The following KDM4C variants were observed in gnomAD, a reference collection of about 807,000 sequenced individuals.
KDM4C encodes lysine demethylase 4C.
In KDM4C, 81 loss-of-function variants were observed where a neutral mutation model predicts 129.3. That is an observed-to-expected ratio of 0.63 (90% confidence interval 0.52 to 0.75). The LOEUF (loss-of-function observed/expected upper bound fraction) is 0.75, where lower values mean the gene tolerates loss of function less well. KDM4C is among the 30% of genes least tolerant of loss of function. The pLI is 0.00. For missense variants in KDM4C, 1,457 were observed against 1,304.0 expected (o/e 1.12, Z -1.81); for synonymous variants, 573 against 456.1 (o/e 1.26, Z -3.26).
At chr9:7,139,610 A>G (rs1376391237) in intron 19 of KDM4C, among the ~76,000 whole-genome samples, 1 of 152,238 alleles carries the variant, frequency 6.6e-6, no homozygotes, top group Non-Finnish European at 1.5e-5. Context: ...CCAGGCTGCA[A>G]GTGGCCACAC....
chr9:6,757,123 G>T (rs570136877), upstream of KDM4C, among the ~76,000 whole-genome samples: 3 of 152,196 alleles, frequency 2.0e-5, no homozygotes, highest in Admixed American at 6.5e-5. Context: ...GGTCTGGTTG[G>T]TTCCTTCTGA....
chr9:6,856,231 A>T (rs1588718527), intron 5 of KDM4C, among the ~76,000 whole-genome samples: 1 of 152,002 alleles, frequency 6.6e-6, no homozygotes, highest in South Asian at 2.1e-4. Context: ...TTAGTGATCC[A>T]TTGAATTAGC....
At chr9:6,854,619 G>C (rs2130264896) in intron 5 of KDM4C, among the ~76,000 whole-genome samples, 1 of 151,330 alleles carries the variant, frequency 6.6e-6, no homozygotes, top group Admixed American at 6.6e-5. Context: ...TGTGTTTTAA[G>C]CTGTGAAAAG....
intron 19 of KDM4C, among the ~76,000 whole-genome samples, chr9:7,130,839 G>C (rs1448909454): frequency 2.0e-5 from 3 of 152,084 alleles, no homozygotes; most frequent in African/African-American, 7.2e-5. Context: ...GCTCACTGCA[G>C]CCTTGTGCTC....
chr9:7,010,678 C>T (rs1333031315), intron 12 of KDM4C, among the ~76,000 whole-genome samples: 5 of 152,166 alleles, frequency 3.3e-5, no homozygotes, highest in African/African-American at 9.7e-5. Flanking sequence ...ATTTTTCTAA[C>T]ATGTTTGTCT....
At chr9:6,757,316 T>C (rs1291028582), upstream of KDM4C, among the ~76,000 whole-genome samples, 1 of 152,020 alleles carries the variant, frequency 6.6e-6, no homozygotes, top group Non-Finnish European at 1.5e-5. Flanking sequence ...TGTGCCTCCC[T>C]ATCTTAAGAG....
chr9:6,917,615 A>G (rs10975897), intron 8 of KDM4C, among the ~76,000 whole-genome samples: 12,501 of 152,182 alleles, frequency 0.082, 894 homozygotes, highest in East Asian at 0.24. Flanking sequence ...TAGGACTCCA[A>G]TGAGTTGTTC....
chr9:7,061,060 T>C (rs2132687083), intron 17 of KDM4C, among the ~76,000 whole-genome samples: 1 of 152,314 alleles, frequency 6.6e-6, no homozygotes, highest in Non-Finnish European at 1.5e-5. Context: ...TGTATTTACT[T>C]TGTTTTTTAG....
At chr9:7,167,721 A>G (rs1239248889) in intron 20 of KDM4C, among the ~76,000 whole-genome samples, 3 of 152,222 alleles carry the variant, frequency 2.0e-5, no homozygotes, top group South Asian at 2.1e-4. Context: ...ATGTTCATCA[A>G]CCAGAATTGG....
chr9:6,861,917 A>G (rs1385764439), intron 5 of KDM4C, among the ~76,000 whole-genome samples: 1 of 151,806 alleles, frequency 6.6e-6, no homozygotes, highest in Non-Finnish European at 1.5e-5. Flanking sequence ...GACTACAGGC[A>G]TGTGCCACCA....
At chr9:7,014,915 AACACACACACACACAC>A (rs55864882) in intron 14 of KDM4C, among the ~76,000 whole-genome samples, 3 of 146,168 alleles carry the variant, frequency 2.1e-5, no homozygotes, top group African/African-American at 5.1e-5. Context: ...GGCAATTTGT[AACACACACACACACAC>A]ACACACACAC....
intron 18 of KDM4C, among the ~76,000 whole-genome samples, chr9:7,125,456 T>A (rs188132511): frequency 2.7e-4 from 41 of 152,326 alleles, no homozygotes. Flanking sequence ...TGTATTTGAC[T>A]CTCCAACATC....
intron 4 of KDM4C, among the ~76,000 whole-genome samples, chr9:6,830,783 G>C (rs1396450367): frequency 6.6e-6 from 1 of 152,172 alleles, no homozygotes; most frequent in Non-Finnish European, 1.5e-5. Flanking sequence ...AAGAATAAAA[G>C]GGAAACTCAG....
chr9:7,032,565 A>T (rs1402239580), intron 15 of KDM4C, among the ~76,000 whole-genome samples: 1 of 152,168 alleles, frequency 6.6e-6, no homozygotes, highest in Non-Finnish European at 1.5e-5. Context: ...CTTTATTTCC[A>T]CAGAACTTGA....
chr9:6,776,892 G>A (rs564293596), intron 1 of KDM4C, among the ~76,000 whole-genome samples: 2 of 152,270 alleles, frequency 1.3e-5, no homozygotes, highest in South Asian at 4.1e-4. Context: ...GTGAGCCCGC[G>A]TGCTGGGCCT....
chr9:7,095,201 C>T (rs913899701), intron 17 of KDM4C, among the ~76,000 whole-genome samples: 4 of 152,152 alleles, frequency 2.6e-5, no homozygotes, highest in African/African-American at 9.7e-5. Flanking sequence ...TTTACTGTTC[C>T]ACCCCGGTCC....
chr9:7,035,219 G>A lies in KDM4C; in HGVS notation c.2260-11643G>A, dbSNP rs572022158. Among the ~76,000 whole-genome samples the A allele has an allele frequency of 1.9e-4, 28 of 150,530 alleles. No individual in the cohort carries two copies. In the East Asian group the frequency reaches 4.7e-3, roughly 25 times the overall value. On this transcript the variant is annotated intron_variant, in intron 15 of 21. Transcript: ENST00000381309. ...AGTAGAGATGAGGTTTTGCCATGTT[G>A]CCCAGGCTGGTCTTGAACTCTTGGG...
intron 19 of KDM4C, among the ~76,000 whole-genome samples, chr9:7,164,248 G>C (rs571559195): frequency 1.3e-5 from 2 of 151,776 alleles, no homozygotes; most frequent in Non-Finnish European, 2.9e-5. Flanking sequence ...TATTAAAATT[G>C]TATTGTGTCC....
intron 19 of KDM4C, among the ~76,000 whole-genome samples, chr9:7,129,849 G>A (rs1438998193): frequency 1.3e-5 from 2 of 152,076 alleles, no homozygotes; most frequent in Non-Finnish European, 2.9e-5. Context: ...TACACACTAG[G>A]CACTATAATT....
Sources: allele counts gnomAD v4.1 joint callset (sites outside exome capture counted in the v4.1 genomes callset), GRCh38; gene constraint gnomAD v4.1.1; transcripts MANE v1.5; gene names NCBI Gene and HGNC (gene_info 2026-07-23, HGNC 2026-07-21).